SSH2: variants seen among roughly 807,000 people sequenced by gnomAD.
SSH2 encodes the protein protein phosphatase Slingshot homolog 2.
Under a neutral mutation model 135.2 loss-of-function variants are expected in SSH2, and 37 were observed. That is an observed-to-expected ratio of 0.27 (90% CI 0.21 to 0.36). The LOEUF (loss-of-function observed/expected upper bound fraction) is 0.36. Among genes scored for constraint, SSH2 ranks in the 10% least tolerant of loss-of-function variants. The pLI is 1.00. For missense variants in SSH2, 1,408 were observed against 1,765.3 expected (o/e 0.80, Z 3.63); for synonymous variants, 628 against 646.2 (o/e 0.97, Z 0.43).
Position 29,631,688 on chromosome 17 carries a change from C to T in SSH2, c.3506G>A (p.Gly1169Asp). The change falls in exon 16 of 16, where the codon GGC (glycine) becomes GAC (aspartate). Residue 1169 changes from glycine to aspartate, a missense_variant. Coordinates refer to ENST00000540801, the MANE Select transcript of SSH2 (RefSeq NM_001282129.2). ...LHPQTMVHLE[G>D]FTEQSSTTDE... ...TGTAGTGCTGCTCTGCTCTGTGAAGCCCTCCAGGTGAACCATAGTCTGGGG... is the reference window on the plus strand; with the variant it reads ...TGTAGTGCTGCTCTGCTCTGTGAAGTCCTCCAGGTGAACCATAGTCTGGGG... 1 of 1,614,190 alleles carries T rather than the reference C, an allele frequency of 6.2e-7. No individual in the cohort carries two copies. Among genetic ancestry groups the T allele is most frequent in the Non-Finnish European group, 8.5e-7 (1 of 1,180,030 alleles).
intron 2 of SSH2, among the ~76,000 whole-genome samples, chr17:29,802,618 C>CAAAAAAAAAAAAAAAAA (rs74267073): frequency 8.7e-5 from 5 of 57,368 alleles, no homozygotes; most frequent in African/African-American, 1.9e-4. Context: ...ACTGTTTCTA[C>CAAAAAAAAAAAAAAAAA]AAAAAAAAAA....
At chr17:29,634,901 C>T (rs1271158418) in intron 15 of SSH2, among the ~76,000 whole-genome samples, 1 of 151,302 alleles carries the variant, frequency 6.6e-6, no homozygotes, top group Admixed American at 6.6e-5. Context: ...AAGTCAGGTA[C>T]ATTATTATTA....
In SSH2 at chr17:29,627,930, A is replaced by G. The variant is rs963248801; in HGVS notation, c.*2911T>C. 2.0e-5 allele frequency: 3 copies of G among 150,916 alleles called. No individual in the cohort carries two copies. Among genetic ancestry groups the G allele is most frequent in the African/African-American group, 4.9e-5 (2 of 41,228 alleles). The allele number at this position is 150,916 out of a possible 1,614,324, so 9.3% of individuals were successfully genotyped here. A position where few individuals can be genotyped will look rare whatever the true frequency, so the allele number is the denominator to read the frequency against. On this transcript the variant is annotated 3_prime_UTR_variant, in exon 16 of 16. Transcript: ENST00000540801. ...TGAGAGTCTATGGTGGTTTAAAAAG[A>G]GAGAGAGAGAGAGGAGAGAGAGAGA...
intron 2 of SSH2, among the ~76,000 whole-genome samples, chr17:29,822,869 C>T (rs2042677690): frequency 6.6e-6 from 1 of 152,166 alleles, no homozygotes; most frequent in Admixed American, 6.5e-5. Context: ...AAAGTGAATT[C>T]ACTGTACTGT....
chr17:29,825,649 A>G (rs948753404), intron 2 of SSH2, among the ~76,000 whole-genome samples: 2 of 152,200 alleles, frequency 1.3e-5, no homozygotes, highest in Non-Finnish European at 2.9e-5. Flanking sequence ...CTGATACTAC[A>G]TGGCTGCAAA....
rs201838037 is a variant in SSH2, at chr17:29,851,418, C to T, written c.64-2489G>A. The stretch of plus-strand genomic sequence containing the variant: ...CCGGCCTGGCCAATGTGGTCAAATC[C>T]CGTCTCTACTAAAAATACAAAAAAT... On this transcript the variant is annotated intron_variant, in intron 1 of 15. Coordinates refer to ENST00000540801, the MANE Select transcript of SSH2 (RefSeq NM_001282129.2). 1.9e-4 allele frequency among the ~76,000 whole-genome samples: 29 copies of T among 151,982 alleles called. 1 individual carries two copies. In the South Asian group the frequency reaches 2.5e-3, roughly 13 times the overall value.
chr17:29,901,512 C>A (rs1449047327), intron 1 of SSH2, among the ~76,000 whole-genome samples: 1 of 152,154 alleles, frequency 6.6e-6, no homozygotes, highest in Non-Finnish European at 1.5e-5. Flanking sequence ...TCAGGAAAAT[C>A]CAGCAATATA....
At chr17:29,695,573 A>G (rs1321066754) in intron 4 of SSH2, 50 bp from the exon 5 acceptor site, 22 of 1,518,320 alleles carry the variant, frequency 1.4e-5, no homozygotes, top group Non-Finnish European at 2.0e-5. Context: ...TCTAATGTTG[A>G]CAGAGAGGAT....
chr17:29,685,041 A>G (rs1038318507), intron 5 of SSH2, among the ~76,000 whole-genome samples: 1 of 152,206 alleles, frequency 6.6e-6, no homozygotes, highest in Admixed American at 6.5e-5. Context: ...GGGAAATGTG[A>G]GGTATATGAA....
chr17:29,907,370 G>A (rs1317504276), intron 1 of SSH2, among the ~76,000 whole-genome samples: 2 of 152,002 alleles, frequency 1.3e-5, no homozygotes, highest in South Asian at 2.1e-4. Context: ...GTGGGGGGAG[G>A]GAGAACATCA....
chr17:29,897,863 A>T (rs1379050285), intron 1 of SSH2, among the ~76,000 whole-genome samples: 1 of 152,170 alleles, frequency 6.6e-6, no homozygotes, highest in East Asian at 1.9e-4. Flanking sequence ...TCCAAAATTG[A>T]CCACACAGTT....
At chr17:29,694,565 A>C (rs982131956) in intron 5 of SSH2, among the ~76,000 whole-genome samples, 33 of 152,146 alleles carry the variant, frequency 2.2e-4, no homozygotes, top group African/African-American at 7.2e-4. Context: ...GCTGCTCGGG[A>C]GGCTGAGGCA....
At chr17:29,775,288 CTT>C (rs556652594) in intron 3 of SSH2, among the ~76,000 whole-genome samples, 48 of 134,058 alleles carry the variant, frequency 3.6e-4, no homozygotes, top group Non-Finnish European at 4.9e-4. Flanking sequence ...TCCTTCTTTC[CTT>C]TTTTTTTTTT....
At chr17:29,879,824 C>A (rs938066249) in intron 1 of SSH2, among the ~76,000 whole-genome samples, 2 of 152,100 alleles carry the variant, frequency 1.3e-5, no homozygotes. Flanking sequence ...CAAATCCCAG[C>A]CAAAGCTCAT....
chr17:29,891,633 G>A (rs1320430328), intron 1 of SSH2, among the ~76,000 whole-genome samples: 1 of 151,528 alleles, frequency 6.6e-6, no homozygotes, highest in Non-Finnish European at 1.5e-5. Flanking sequence ...TCTGACAGGT[G>A]AAGAGCAGAC....
intron 14 of SSH2, among the ~76,000 whole-genome samples, chr17:29,646,924 C>T (rs2036392676): frequency 6.6e-6 from 1 of 151,970 alleles, no homozygotes; most frequent in South Asian, 2.1e-4. Context: ...TCAGTGAAAA[C>T]AAGCACTGAG....
At chr17:29,811,748 G>A (rs922084959) in intron 2 of SSH2, among the ~76,000 whole-genome samples, 11 of 151,908 alleles carry the variant, frequency 7.2e-5, no homozygotes, top group Middle Eastern at 3.2e-3. Context: ...TTTATTTTTT[G>A]TAGAGACAGA....
intron 1 of SSH2, among the ~76,000 whole-genome samples, chr17:29,902,035 C>T (rs866247997): frequency 6.6e-6 from 1 of 152,084 alleles, no homozygotes; most frequent in East Asian, 1.9e-4. Context: ...GATCCTCCTA[C>T]CTTGGCCTTC....
At chr17:29,901,675 G>A (rs2066556873) in intron 1 of SSH2, among the ~76,000 whole-genome samples, 1 of 151,854 alleles carries the variant, frequency 6.6e-6, no homozygotes, top group Non-Finnish European at 1.5e-5. Flanking sequence ...AGTGTGCTGA[G>A]GCTCCTTCCT....
Sources: allele counts gnomAD v4.1 joint callset (sites outside exome capture counted in the v4.1 genomes callset), GRCh38; gene constraint gnomAD v4.1.1; transcripts MANE v1.5; gene names NCBI Gene and HGNC (gene_info 2026-07-23, HGNC 2026-07-21).